CSRNP3: variants seen among roughly 807,000 people sequenced by gnomAD.
CSRNP3 encodes the protein cysteine/serine-rich nuclear protein 3.
CSRNP3 carries 12 observed loss-of-function variants against 48.0 expected under a neutral mutation model. The observed-to-expected ratio is 0.25, with a 90% CI of 0.16 to 0.41. The LOEUF (loss-of-function observed/expected upper bound fraction) is 0.41. CSRNP3 is among the 10% of genes least tolerant of loss of function. The probability of loss-of-function intolerance (pLI) is 1.00; values close to 1 mark genes in which losing one functional copy is unlikely to be tolerated. For synonymous variants in CSRNP3, 263 were observed against 269.7 expected (o/e 0.98, Z 0.24); for missense variants, 580 against 724.4 (o/e 0.80, Z 2.29).
At chr2:165,581,520 T>G (rs917454995) in intron 3 of CSRNP3, among the ~76,000 whole-genome samples, 3 of 151,576 alleles carry the variant, frequency 2.0e-5, no homozygotes, top group Admixed American at 6.6e-5. Context: ...TTACTAGTTA[T>G]GCCCTGCCCA....
At chr2:165,605,227 C>T (rs1343439044) in intron 4 of CSRNP3, among the ~76,000 whole-genome samples, 1 of 152,126 alleles carries the variant, frequency 6.6e-6, no homozygotes, top group African/African-American at 2.4e-5. Context: ...AGCCTTCACT[C>T]TCCTGCCTTC....
chr2:165,627,631 G>T (rs976219539), intron 4 of CSRNP3, among the ~76,000 whole-genome samples: 1 of 151,704 alleles, frequency 6.6e-6, no homozygotes, highest in East Asian at 1.9e-4. Context: ...CATGTTTCTG[G>T]TGCCCTCCAC....
chr2:165,669,861 T>A (rs1165792339), intron 5 of CSRNP3, among the ~76,000 whole-genome samples: 3 of 152,108 alleles, frequency 2.0e-5, no homozygotes, highest in East Asian at 3.9e-4. Flanking sequence ...GGCCTTGACC[T>A]GGAGATCCTA....
chr2:165,600,645 A>G (rs1201578675), intron 4 of CSRNP3, among the ~76,000 whole-genome samples: 3 of 152,122 alleles, frequency 2.0e-5, no homozygotes, highest in Non-Finnish European at 4.4e-5. Flanking sequence ...GTGAGATGGT[A>G]TCTCACTGTG....
At chr2:165,593,376 A>G (rs999708802) in intron 3 of CSRNP3, among the ~76,000 whole-genome samples, 3 of 152,198 alleles carry the variant, frequency 2.0e-5, no homozygotes, top group Non-Finnish European at 4.4e-5. Flanking sequence ...AAATCACCCA[A>G]TTTGGGGCTT....
intron 3 of CSRNP3, 127 bp from the exon 4 acceptor site, chr2:165,594,916 T>C: frequency 4.9e-6 from 3 of 613,818 alleles, no homozygotes; most frequent in East Asian, 2.9e-5. Flanking sequence ...CTGCTAAAGA[T>C]CCTTTCAAGG....
intron 4 of CSRNP3, among the ~76,000 whole-genome samples, chr2:165,650,273 G>C (rs1686882705): frequency 6.6e-6 from 1 of 152,118 alleles, no homozygotes; most frequent in Non-Finnish European, 1.5e-5. Context: ...TTAGAACAAG[G>C]AAAGATTGCT....
intron 2 of CSRNP3, among the ~76,000 whole-genome samples, chr2:165,510,228 C>T (rs1054115931): frequency 2.6e-5 from 4 of 151,966 alleles, no homozygotes; most frequent in Non-Finnish European, 4.4e-5. Context: ...CACTCAAGGT[C>T]GATGGTGGTG....
At chr2:165,647,000 T>A (rs1686822306) in intron 4 of CSRNP3, among the ~76,000 whole-genome samples, 1 of 152,102 alleles carries the variant, frequency 6.6e-6, no homozygotes, top group Non-Finnish European at 1.5e-5. Context: ...ATATGAGAGA[T>A]TAAGGAAACA....
chr2:165,557,234 T>G (rs1186836266), intron 3 of CSRNP3, among the ~76,000 whole-genome samples: 6 of 152,238 alleles, frequency 3.9e-5, no homozygotes, highest in Non-Finnish European at 7.3e-5. Flanking sequence ...ATATAAAGTT[T>G]TATTGGAACA....
intron 4 of CSRNP3, among the ~76,000 whole-genome samples, chr2:165,645,323 G>A (rs1686793007): frequency 6.6e-6 from 1 of 151,828 alleles, no homozygotes; most frequent in South Asian, 2.1e-4. Flanking sequence ...GACAGAGTGA[G>A]ACTCTGGTCT....
At position 165,688,080 on chromosome 2, in the gene CSRNP3, T is replaced by G. The variant is rs913153614; in HGVS notation, c.*8327T>G. ...AAAGGCTAATGCTATAGAATGATCA[T>G]GTAAAGAATGTTGAATAAAATTTGG... On this transcript the variant is annotated 3_prime_UTR_variant, in exon 7 of 7. Transcript: ENST00000651982. 1 of 151,012 alleles carries G rather than the reference T, an allele frequency of 6.6e-6. No homozygotes were observed. The highest frequency in any genetic ancestry group is 1.5e-5 in the Non-Finnish European group (1 of 67,858). The allele number at this position is 151,012 out of a possible 1,614,324, so 9.4% of individuals were successfully genotyped here.
intron 1 of CSRNP3, among the ~76,000 whole-genome samples, chr2:165,478,584 T>C (rs1278305468): frequency 6.6e-6 from 1 of 152,250 alleles, no homozygotes; most frequent in African/African-American, 2.4e-5. Flanking sequence ...ACTTTTCTTC[T>C]TCAAAAGTAC....
intron 4 of CSRNP3, among the ~76,000 whole-genome samples, chr2:165,644,399 T>C (rs1333251079): frequency 6.6e-6 from 1 of 152,228 alleles, no homozygotes; most frequent in East Asian, 1.9e-4. Context: ...AATGTCATCT[T>C]ATCATTCAGA....
intron 2 of CSRNP3, among the ~76,000 whole-genome samples, chr2:165,508,615 T>C (rs1195241917): frequency 6.6e-6 from 1 of 152,194 alleles, no homozygotes; most frequent in African/African-American, 2.4e-5. Context: ...CATAAACATT[T>C]ACATATTCTA....
chr2:165,663,927 G>A (rs1687136757), intron 5 of CSRNP3, among the ~76,000 whole-genome samples: 1 of 152,200 alleles, frequency 6.6e-6, no homozygotes, highest in East Asian at 1.9e-4. Flanking sequence ...ACTGAAAGAA[G>A]CGATGTTGGT....
chr2:165,674,803 C>T (rs1180883485), intron 5 of CSRNP3, among the ~76,000 whole-genome samples: 3 of 150,640 alleles, frequency 2.0e-5, no homozygotes, highest in Non-Finnish European at 2.9e-5. Flanking sequence ...CCTGACCTCC[C>T]GGGCTCAAGT....
chr2:165,654,477 G>C (rs1686969590), intron 4 of CSRNP3, among the ~76,000 whole-genome samples: 1 of 152,106 alleles, frequency 6.6e-6, no homozygotes, highest in Non-Finnish European at 1.5e-5. Context: ...ATGGAGAAGA[G>C]GAAAGTTGAG....
intron 4 of CSRNP3, among the ~76,000 whole-genome samples, chr2:165,647,291 T>A (rs541874581): frequency 1.8e-4 from 27 of 152,306 alleles, no homozygotes; most frequent in African/African-American, 6.3e-4. Context: ...TTTAAATCGA[T>A]TACATTATTT....
Sources: gnomAD v4.1 joint callset for allele counts (sites outside exome capture counted in the v4.1 genomes callset) on GRCh38, gnomAD v4.1.1 for gene constraint, MANE v1.5 for transcripts, NCBI Gene and HGNC (gene_info 2026-07-23, HGNC 2026-07-21) for gene names.